MATN4: variants seen among roughly 807,000 people sequenced by gnomAD.
MATN4 encodes the protein matrilin 4.
MATN4 carries 40 observed loss-of-function variants against 54.6 expected under a neutral mutation model. The observed-to-expected ratio is 0.73, with a 90% CI of 0.57 to 0.95. The LOEUF is 0.95. MATN4 is among the 40% of genes least tolerant of loss of function. The pLI, the probability that MATN4 is intolerant of heterozygous loss-of-function variation, is 0.00. For synonymous variants in MATN4, 351 were observed against 345.3 expected (o/e 1.02, Z -0.18); for missense variants, 810 against 819.1 (o/e 0.99, Z 0.13).
intron 6 of MATN4, 96 bp downstream of exon 6, chr20:45,300,791 A>C: frequency 6.7e-7 from 1 of 1,495,384 alleles, no homozygotes; most frequent in East Asian, 2.3e-5. Flanking sequence ...CATTCACACC[A>C]CAGCCTAGGG....
At position 45,302,201 on chromosome 20, in the gene MATN4, C is replaced by T. The variant is rs1234416841; in HGVS notation, c.644-758G>A. ...AGAGGCTCACAGCAAGAGGTGACAA[C>T]CAGAAGATAAGCACTTGGGGGATTT... On this transcript the variant is annotated intron_variant, in intron 3 of 9. Coordinates refer to ENST00000372756, the MANE Select transcript of MATN4 (RefSeq NM_001393530.1). Among the ~76,000 whole-genome samples, 3 of 152,006 alleles carry T rather than the reference C, an allele frequency of 2.0e-5. No individual in the cohort carries two copies. The East Asian group carries it at 5.8e-4, about 29-fold the overall frequency.
chr20:45,299,634 T>TGGGAGG (rs1986085677), intron 6 of MATN4, among the ~76,000 whole-genome samples: 1 of 151,764 alleles, frequency 6.6e-6, no homozygotes, highest in Non-Finnish European at 1.5e-5. Context: ...TCCCAGCACT[T>TGGGAGG]TGGGAGGCTG....
At chr20:45,308,545 A>T, upstream of MATN4, 1 of 440,914 alleles carries the variant, frequency 2.3e-6, no homozygotes. Context: ...GCCGGAATTC[A>T]TTGGAAGCTT....
chr20:45,305,383 A>T, intron 2 of MATN4, 127 bp downstream of exon 2: 1 of 638,382 alleles, frequency 1.6e-6, no homozygotes, highest in Non-Finnish European at 2.6e-6. Context: ...GAAGTGGGGA[A>T]CTTAAACCCA....
At chr20:45,295,892 C>T (rs1985785647) in intron 8 of MATN4, among the ~76,000 whole-genome samples, 1 of 152,054 alleles carries the variant, frequency 6.6e-6, no homozygotes, top group South Asian at 2.1e-4. Context: ...CTTAGATTCA[C>T]TGAAATTCTA....
chr20:45,300,777 C>T (rs1986171162), intron 6 of MATN4, 110 bp downstream of exon 6: 2 of 1,375,426 alleles, frequency 1.5e-6, no homozygotes, highest in South Asian at 1.3e-5. Context: ...ACAACACACA[C>T]AGACATTCAC....
At position 45,308,205 on chromosome 20, in the gene MATN4, CT is replaced by C; in HGVS notation, c.-66del. On this transcript the variant is annotated 5_prime_UTR_variant, in exon 1 of 10. Transcript: ENST00000372756. ...CCTGCAGGACAGATCAGAGATGCAG[CT>C]GCAGAGCGAAGCCGACAGGCGGAGC... The C allele has an allele frequency of 1.2e-6, 2 of 1,614,096 alleles. No individual in the cohort carries two copies.
chr20:45,305,586 G>T lies in MATN4; in HGVS notation c.-4C>A. Reference sequence around the variant, plus strand: ...GCCAGCAAAGAAGGCCTCTCATGGCGCTTGGGGACAGAGAATGGAGGTGTC... The same window carrying T: ...GCCAGCAAAGAAGGCCTCTCATGGCTCTTGGGGACAGAGAATGGAGGTGTC... On this transcript the variant is annotated 5_prime_UTR_variant, in exon 2 of 10. Transcript: ENST00000372756. 1.9e-6 allele frequency: 3 copies of T among 1,556,766 alleles called. No homozygotes were observed. The highest frequency in any genetic ancestry group is 2.4e-5 in the East Asian group (1 of 41,382).
chr20:45,307,645 C>G (rs1489880179), intron 1 of MATN4, among the ~76,000 whole-genome samples: 1 of 152,206 alleles, frequency 6.6e-6, no homozygotes, highest in African/African-American at 2.4e-5. Context: ...AACTTCTCAC[C>G]TGGCACCCTG....
At position 45,304,489 on chromosome 20, in the gene MATN4, C is replaced by A; in HGVS notation, c.382G>T (p.Ala128Ser). ...TCCTCTGGCGGTCGCGCGCCCTCGG[C>A]CACACTGAAGGCCACGTTCATGGCG... The part of the protein sequence containing the change: ...QYAMNVAFSV[A>S]EGARPPEERV... The change falls in exon 3 of 10, where the codon GCC becomes TCC. Residue 128 changes from alanine to serine, a missense_variant. By Grantham distance (99) the Ala-to-Ser change is moderately conservative. Coordinates refer to ENST00000372756, the MANE Select transcript of MATN4 (RefSeq NM_001393530.1). 1 of 1,579,492 alleles carries A rather than the reference C, an allele frequency of 6.3e-7. No homozygotes were observed. Among genetic ancestry groups the A allele is most frequent in the Admixed American group, 1.7e-5 (1 of 58,554 alleles).
At chr20:45,303,772 G>A (rs6032104) in intron 3 of MATN4, among the ~76,000 whole-genome samples, 30,688 of 152,190 alleles carry the variant, frequency 0.2, 3,261 homozygotes, top group Middle Eastern at 0.29. Flanking sequence ...CACAGGGGCA[G>A]GAGTGGGTAG....
chr20:45,299,980 G>GGTGTGTGT (rs55652446), intron 6 of MATN4, among the ~76,000 whole-genome samples: 1 of 114,842 alleles, frequency 8.7e-6, no homozygotes, highest in African/African-American at 3.5e-5. Context: ...TGTGTGTAGG[G>GGTGTGTGT]GTGTGTGTGT....
At chr20:45,302,335 G>A (rs776884146) in intron 3 of MATN4, among the ~76,000 whole-genome samples, 4 of 152,142 alleles carry the variant, frequency 2.6e-5, no homozygotes, top group African/African-American at 7.2e-5. Flanking sequence ...CTGGGTTATT[G>A]GGATTACATG....
intron 1 of MATN4, among the ~76,000 whole-genome samples, chr20:45,307,129 C>G (rs532629315): frequency 1.3e-5 from 2 of 152,178 alleles, no homozygotes; most frequent in Admixed American, 6.5e-5. Context: ...GGCCCCCTGG[C>G]GCCTAGAATT....
chr20:45,308,504 A>G, upstream of MATN4: 1 of 526,408 alleles, frequency 1.9e-6, no homozygotes, highest in Non-Finnish European at 3.4e-6. Context: ...ACAGCGGGAG[A>G]CTGGGGAGAC....
chr20:45,304,460 G>C lies in MATN4; in HGVS notation c.411C>G (p.Arg137=). 6.4e-7 allele frequency: 1 copy of C among 1,563,088 alleles called. No homozygotes were observed. Among genetic ancestry groups the C allele is most frequent in the Non-Finnish European group, 8.7e-7 (1 of 1,147,676 alleles). Residue 137 remains arginine (R), a synonymous_variant, in exon 3 of 10, where the codon CGC becomes CGG. Transcript: ENST00000372756. ...VAEGARPPEE[R]VPRVAVIVTD... ...TCACGATGACAGCGACACGCGGCAC[G>C]CGCTCCTCTGGCGGTCGCGCGCCCT...
rs891068952 is a variant in MATN4 at position 45,297,782 on chromosome 20, T to C, written c.1579+136A>G. 1.1e-4 allele frequency: 122 copies of C among 1,106,704 alleles called. 1 individual carries two copies. Among genetic ancestry groups the C allele is most frequent in the Non-Finnish European group, 1.6e-4 (118 of 755,788 alleles). 68.6% of individuals were successfully genotyped at this position (1,106,704 alleles called of 1,614,324 possible). On this transcript the variant is annotated intron_variant, in intron 8 of 9. Coordinates refer to ENST00000372756, the MANE Select transcript of MATN4 (RefSeq NM_001393530.1). ...CCTGCCGCTGGCCTGCAGACCACAT[T>C]TGGAGTAGCAAAGCTCTGTCTAGTG... is the stretch of plus-strand genomic sequence containing the variant.
chr20:45,307,847 T>TA (rs1327433500), intron 1 of MATN4, among the ~76,000 whole-genome samples: 3 of 151,806 alleles, frequency 2.0e-5, no homozygotes, highest in Non-Finnish European at 4.4e-5. Context: ...ATCCTTGCAT[T>TA]AAAAAAAGAA....
chr20:45,307,068 GC>G, intron 1 of MATN4: 1 of 544,428 alleles, frequency 1.8e-6, no homozygotes, highest in Non-Finnish European at 2.8e-6. Flanking sequence ...CCGCCGAACT[GC>G]AAAAGCAGGA....
Sources: gnomAD v4.1 joint callset for allele counts (sites outside exome capture counted in the v4.1 genomes callset) on GRCh38, gnomAD v4.1.1 for gene constraint, MANE v1.5 for transcripts, NCBI Gene and HGNC (gene_info 2026-07-23, HGNC 2026-07-21) for gene names.